Variants in PDE2A observed in about 807,000 individuals in gnomAD.
The protein encoded by PDE2A is phosphodiesterase 2A.
In PDE2A, 53 loss-of-function variants were observed where a neutral mutation model predicts 133.6. The observed-to-expected ratio is 0.40, with a 90% confidence interval of 0.32 to 0.50. PDE2A has a LOEUF of 0.50. Among genes scored for constraint, PDE2A ranks in the 20% least tolerant of loss-of-function variants. The pLI is 0.73. For missense variants in PDE2A, 796 were observed against 1,232.4 expected (o/e 0.65, Z 5.30); for synonymous variants, 491 against 490.2 (o/e 1.00, Z -0.02).
chr11:72,591,243 C>T (rs1442673743), intron 7 of PDE2A, 54 bp downstream of exon 7: 1 of 1,456,124 alleles, frequency 6.9e-7, no homozygotes, highest in Non-Finnish European at 9.6e-7. Context: ...CATCTTCCCA[C>T]CAGCTGTGAT....
chr11:72,652,663 T>C (rs1565193030), intron 1 of PDE2A: 2 of 456,186 alleles, frequency 4.4e-6, no homozygotes, highest in Admixed American at 4.7e-5. Flanking sequence ...ATGATATTAT[T>C]AGCCCAATTT....
In PDE2A at chr11:72,594,227, A is replaced by G. The variant is rs1000210862; in HGVS notation, c.489+2366T>C. Among the ~76,000 whole-genome samples, 3 of 152,234 alleles carry G rather than the reference A, an allele frequency of 2.0e-5. No individual in the cohort carries two copies. The East Asian group carries it at 5.8e-4, about 29-fold the overall frequency. The stretch of plus-strand genomic sequence containing the variant: ...TAGGTGGATCAGTGGATGAATACTA[A>G]GAGCAGAGACTGAGAGAGGGGAATG... On this transcript the variant is annotated intron_variant, in intron 6 of 30. Transcript: ENST00000334456.
At position 72,597,165 on chromosome 11, in the gene PDE2A, A is replaced by G. The variant is rs1279977138; in HGVS notation, c.433+345T>C. Among the ~76,000 whole-genome samples the G allele has an allele frequency of 1.3e-5, 2 of 152,182 alleles. No homozygotes were observed. Among genetic ancestry groups the G allele is most frequent in the Admixed American group, 6.5e-5 (1 of 15,276 alleles). On this transcript the variant is annotated intron_variant, in intron 5 of 30. Transcript: ENST00000334456. This position sits in a 1 kb window ranked among gnomAD's most constrained non-coding sequence, Gnocchi z 4.6. Reference sequence around the variant, plus strand: ...TGACAGAGAGAATGTGAGAACAACTACAGCCCCATCCAGCATCAGGCACAG... The same window carrying G: ...TGACAGAGAGAATGTGAGAACAACTGCAGCCCCATCCAGCATCAGGCACAG...
intron 1 of PDE2A, chr11:72,669,027 G>T (rs558286530): frequency 4.3e-6 from 4 of 927,256 alleles, no homozygotes; most frequent in South Asian, 9.5e-5. Context: ...AGCACCTGCC[G>T]CATGCCAGGG....
intron 1 of PDE2A, among the ~76,000 whole-genome samples, chr11:72,667,413 A>G (rs1173719286): frequency 1.3e-5 from 2 of 152,030 alleles, no homozygotes; most frequent in Non-Finnish European, 2.9e-5. Context: ...TTAACTCAGT[A>G]TGTCTGTCCC....
intron 20 of PDE2A, 78 bp downstream of exon 20, chr11:72,583,360 G>C (rs1470923894): frequency 1.0e-6 from 1 of 994,602 alleles, no homozygotes; most frequent in Admixed American, 1.7e-5. Context: ...CCTCAGTAGA[G>C]ATTGATCAGG....
intron 1 of PDE2A, chr11:72,658,148 T>C (rs1333531220): frequency 6.6e-6 from 3 of 456,064 alleles, no homozygotes; most frequent in Non-Finnish European, 1.3e-5. Flanking sequence ...TCCAATCCTC[T>C]GGGAAGCCTT....
rs374515052 is a variant in PDE2A, at chr11:72,605,168, G to A, written c.293C>T (p.Pro98Leu). 8 of 1,609,598 alleles carry A rather than the reference G, an allele frequency of 5.0e-6. No individual in the cohort carries two copies. The highest frequency in any genetic ancestry group is 2.7e-5 in the African/African-American group (2 of 74,850). The change falls in exon 4 of 31, where the codon CCA becomes CTA. Residue 98 changes from proline to leucine, a missense_variant. Transcript: ENST00000334456. ...TTTCCCCTCCTGGGGCAGCTCATGT[G>A]GGGGGTCCTCACACACCAGCTGGGA... ...GESQLVCEDP[P>L]HELPQEGKVR...
intron 6 of PDE2A, among the ~76,000 whole-genome samples, chr11:72,591,784 G>A (rs562979536): frequency 3.3e-4 from 50 of 152,304 alleles, no homozygotes; most frequent in Admixed American, 1.9e-3. Context: ...TTGGATAAAG[G>A]AATGGGCTCA....
At chr11:72,670,032 G>A (rs1391925309) in intron 1 of PDE2A, among the ~76,000 whole-genome samples, 3 of 152,080 alleles carry the variant, frequency 2.0e-5, no homozygotes, top group African/African-American at 7.3e-5. Flanking sequence ...CTCCACCACG[G>A]CCCAGGGCTT....
At chr11:72,635,774 G>A (rs1265998980) in intron 2 of PDE2A, among the ~76,000 whole-genome samples, 1 of 152,226 alleles carries the variant, frequency 6.6e-6, no homozygotes, top group Admixed American at 6.5e-5. Context: ...GCCCAGCTCA[G>A]AGACTGCAAG....
intron 2 of PDE2A, among the ~76,000 whole-genome samples, chr11:72,634,145 G>A (rs905047830): frequency 2.6e-5 from 4 of 152,178 alleles, no homozygotes; most frequent in African/African-American, 4.8e-5. Flanking sequence ...GAGGGCAAGC[G>A]GAGATGAGAA....
intron 4 of PDE2A, among the ~76,000 whole-genome samples, chr11:72,601,946 T>C (rs1856766787): frequency 6.6e-6 from 1 of 152,174 alleles, no homozygotes; most frequent in Admixed American, 6.5e-5. Context: ...CATGTTGTCC[T>C]GGATCCCAGG....
In PDE2A at chr11:72,582,277, C is replaced by A. The variant is rs1855757812; in HGVS notation, c.1851+167G>T. 7 of 692,808 alleles carry A rather than the reference C, an allele frequency of 1.0e-5. No individual in the cohort carries two copies. The South Asian group carries it at 1.3e-4, about 13-fold the overall frequency. The allele number at this position is 692,808 out of a possible 1,614,324, so 42.9% of individuals were successfully genotyped here. On this transcript the variant is annotated intron_variant, in intron 21 of 30. Coordinates refer to ENST00000334456, the MANE Select transcript of PDE2A (RefSeq NM_002599.5). ...GTCCAGCCTCTAGCCCCTGGGCAGG[C>A]CCTATGGCTTCCTGATGGCAGACTA...
Position 72,581,264 on chromosome 11 carries a change from GC to G in PDE2A, c.2045+92del, listed in dbSNP as rs1230018403. The stretch of plus-strand genomic sequence containing the variant: ...GGCTAAGAAGATCCCATGAGGCAGT[GC>G]GTGTAAAGTGCCTGACACACAGGGG... On this transcript the variant is annotated intron_variant, in intron 23 of 30. Coordinates refer to ENST00000334456, the MANE Select transcript of PDE2A (RefSeq NM_002599.5). The G allele has an allele frequency of 1.1e-5, 14 of 1,273,950 alleles. No homozygotes were observed. The East Asian group carries it at 3.3e-4, about 30-fold the overall frequency. 78.9% of individuals were successfully genotyped at this position (1,273,950 alleles called of 1,614,324 possible).
At chr11:72,649,763 C>T (rs1007028582) in intron 1 of PDE2A, among the ~76,000 whole-genome samples, 1 of 152,206 alleles carries the variant, frequency 6.6e-6, no homozygotes, top group Non-Finnish European at 1.5e-5. Context: ...CTGTGCCTGA[C>T]ACAGACTCCT....
intron 14 of PDE2A, 48 bp downstream of exon 14, chr11:72,586,022 A>C (rs1855956777): frequency 1.7e-6 from 2 of 1,148,310 alleles, no homozygotes; most frequent in Admixed American, 1.9e-5. Flanking sequence ...TCGGGGCTGA[A>C]AACTGAGCGA....
chr11:72,579,520 CCCAA>C lies in PDE2A; in HGVS notation c.2256+10_2256+13del. ...GCTCCCCCTCAATCCCCACCCCACC[CCCAA>C]CCCCATCACCTTCCGGGAGAAATGA... On this transcript the variant is annotated intron_variant, in intron 26 of 30. Transcript: ENST00000334456. The C allele has an allele frequency of 1.3e-6, 2 of 1,544,020 alleles. No homozygotes were observed. The highest frequency in any genetic ancestry group is 1.8e-6 in the Non-Finnish European group (2 of 1,121,748).
chr11:72,611,541 G>A (rs1354254311), intron 2 of PDE2A, among the ~76,000 whole-genome samples: 1 of 152,192 alleles, frequency 6.6e-6, no homozygotes, highest in East Asian at 1.9e-4. Context: ...TCAGTTTTCT[G>A]TGACTTTTCA....
Sources: allele counts gnomAD v4.1 joint callset (sites outside exome capture counted in the v4.1 genomes callset), GRCh38; gene constraint gnomAD v4.1.1; non-coding constraint Gnocchi (gnomAD v3.1); transcripts MANE v1.5; gene names NCBI Gene and HGNC (gene_info 2026-07-23, HGNC 2026-07-21).